ZNF365: variants seen among roughly 807,000 people sequenced by gnomAD.
The protein encoded by ZNF365 is protein ZNF365.
A neutral mutation model predicts 35.0 loss-of-function variants in ZNF365; 22 were observed. The ratio of observed to expected loss-of-function variants is 0.63; its 90% CI spans 0.45 to 0.90. ZNF365 has a LOEUF of 0.90. ZNF365 is among the 40% of genes least tolerant of loss of function. The probability of loss-of-function intolerance (pLI) is 0.00; values close to 1 mark genes in which losing one functional copy is unlikely to be tolerated. For synonymous variants in ZNF365, 188 were observed against 196.2 expected (o/e 0.96, Z 0.35); for missense variants, 448 against 500.3 (o/e 0.90, Z 1.00).
intron 3 of ZNF365, among the ~76,000 whole-genome samples, chr10:62,420,922 A>G (rs1036282266): frequency 6.6e-6 from 1 of 150,608 alleles, no homozygotes; most frequent in African/African-American, 2.4e-5. Flanking sequence ...AGCTGAGACC[A>G]GAGGCACCTG....
chr10:62,423,415 C>T (rs1213285017), intron 3 of ZNF365, among the ~76,000 whole-genome samples: 2 of 152,146 alleles, frequency 1.3e-5, no homozygotes, highest in Non-Finnish European at 2.9e-5. Flanking sequence ...TCAGAATCTA[C>T]CTTGGGAATT....
intron 3 of ZNF365, among the ~76,000 whole-genome samples, chr10:62,394,738 T>A (rs1839693508): frequency 6.6e-6 from 1 of 152,196 alleles, no homozygotes; most frequent in Admixed American, 6.5e-5. Flanking sequence ...GGGAAGGAAA[T>A]TTTTCCATAG....
chr10:62,426,675 A>G (rs1036140540), intron 3 of ZNF365, among the ~76,000 whole-genome samples: 4 of 152,080 alleles, frequency 2.6e-5, no homozygotes, highest in Admixed American at 2.6e-4. Flanking sequence ...CGGGAAAGGC[A>G]AGGCTGGGCA....
chr10:62,476,235 G>C (rs929386080), intron 4 of ZNF365, among the ~76,000 whole-genome samples: 1 of 152,088 alleles, frequency 6.6e-6, no homozygotes, highest in East Asian at 1.9e-4. Context: ...GTATCTCTAG[G>C]GTTATATAGA....
At chr10:62,450,322 C>T (rs1399437329) in intron 3 of ZNF365, among the ~76,000 whole-genome samples, 2 of 152,090 alleles carry the variant, frequency 1.3e-5, no homozygotes, top group African/African-American at 2.4e-5. Flanking sequence ...TTCCATACGT[C>T]GCGAAATAAG....
chr10:62,473,988 A>C (rs533279216), intron 4 of ZNF365, among the ~76,000 whole-genome samples: 1 of 152,278 alleles, frequency 6.6e-6, no homozygotes, highest in Admixed American at 6.5e-5. Flanking sequence ...CTCAGGGTCA[A>C]GAATGTCTGT....
At chr10:62,477,799 G>A (rs1246312518) in intron 4 of ZNF365, among the ~76,000 whole-genome samples, 2 of 152,136 alleles carry the variant, frequency 1.3e-5, no homozygotes, top group Non-Finnish European at 2.9e-5. Context: ...CAACACTTCT[G>A]TCCAGGAATA....
chr10:62,440,444 C>A (rs566473373), intron 3 of ZNF365, among the ~76,000 whole-genome samples: 2 of 152,202 alleles, frequency 1.3e-5, no homozygotes, highest in South Asian at 4.1e-4. Context: ...TTGTTTCCTT[C>A]TTTGCATAAA....
chr10:62,434,463 C>T (rs1201270221), intron 3 of ZNF365, among the ~76,000 whole-genome samples: 1 of 152,068 alleles, frequency 6.6e-6, no homozygotes, highest in Non-Finnish European at 1.5e-5. Flanking sequence ...TTGATACTTC[C>T]TCTTAGGAAG....
intron 4 of ZNF365, chr10:62,479,781 C>A: frequency 1.2e-6 from 1 of 852,234 alleles, no homozygotes; most frequent in Non-Finnish European, 2.0e-6. Flanking sequence ...TTTGCCAGGA[C>A]CCATGGTTGA....
chr10:62,462,193 C>CCG (rs796991740), intron 4 of ZNF365, among the ~76,000 whole-genome samples: 2 of 150,980 alleles, frequency 1.3e-5, no homozygotes, highest in African/African-American at 4.9e-5. Context: ...ACCTCCCCTC[C>CCG]CACACACACA....
chr10:62,462,441 G>A (rs1307850910), intron 4 of ZNF365, among the ~76,000 whole-genome samples: 12 of 152,196 alleles, frequency 7.9e-5, no homozygotes, highest in African/African-American at 2.9e-4. Context: ...AGGAGGCTGT[G>A]TGTACTCCAA....
intron 2 of ZNF365, among the ~76,000 whole-genome samples, chr10:62,380,286 C>G (rs1487762166): frequency 1.3e-5 from 2 of 152,234 alleles, no homozygotes; most frequent in African/African-American, 4.8e-5. Context: ...GACAGCAAGA[C>G]CAACCCTTCT....
chr10:62,425,485 T>A lies in ZNF365; in HGVS notation c.925-34256T>A, dbSNP rs539235070. 3.9e-5 allele frequency among the ~76,000 whole-genome samples: 6 copies of A among 152,340 alleles called. No homozygotes were observed. In the South Asian group the frequency reaches 1.2e-3, roughly 32 times the overall value. ...CAGGCAAGCTAAGAGCAAATATGCA[T>A]ATGAACCAACAGTTCACAGAGTAAC... On this transcript the variant is annotated intron_variant, in intron 3 of 4. Coordinates refer to the ZNF365 transcript ENST00000395255.
chr10:62,398,869 A>G (rs1839775802), intron 4 of ZNF365, 92 bp downstream of exon 4: 3 of 1,231,170 alleles, frequency 2.4e-6, no homozygotes, highest in East Asian at 2.5e-5. Context: ...TCTATTTTAT[A>G]TGATATCTAT....
chr10:62,440,659 T>C (rs1343638568), intron 3 of ZNF365, among the ~76,000 whole-genome samples: 1 of 152,208 alleles, frequency 6.6e-6, no homozygotes, highest in Non-Finnish European at 1.5e-5. Context: ...GCCTTACTAA[T>C]TGTGTATCTC....
intron 3 of ZNF365, among the ~76,000 whole-genome samples, chr10:62,424,489 T>A (rs1211927885): frequency 1.3e-5 from 2 of 152,198 alleles, no homozygotes; most frequent in Non-Finnish European, 2.9e-5. Flanking sequence ...TTTGATAATT[T>A]TCTGTTGGCC....
chr10:62,444,762 C>CTTTTA (rs546462539), intron 3 of ZNF365, among the ~76,000 whole-genome samples: 243 of 152,054 alleles, frequency 1.6e-3, no homozygotes, highest in Non-Finnish European at 2.4e-3. Flanking sequence ...GTCCCCAGTT[C>CTTTTA]TTTTATTTTA....
chr10:62,414,831 A>G (rs1840047852), intron 3 of ZNF365, among the ~76,000 whole-genome samples: 1 of 152,146 alleles, frequency 6.6e-6, no homozygotes, highest in African/African-American at 2.4e-5. Context: ...GGCTATATGT[A>G]TGCTATGCCT....
Sources: allele counts gnomAD v4.1 joint callset (sites outside exome capture counted in the v4.1 genomes callset), GRCh38; gene constraint gnomAD v4.1.1; transcripts MANE v1.5; gene names NCBI Gene and HGNC (gene_info 2026-07-23, HGNC 2026-07-21).